Variants in NKAIN3 observed in about 807,000 individuals in gnomAD.
NKAIN3 encodes the protein sodium/potassium transporting ATPase interacting 3, also known as sodium/potassium-transporting ATPase subunit beta-1-interacting protein 3.
NKAIN3 carries 25 observed loss-of-function variants against 30.2 expected under a neutral mutation model. The ratio of observed to expected loss-of-function variants is 0.83; its 90% CI spans 0.60 to 1.16. The LOEUF (loss-of-function observed/expected upper bound fraction) is 1.16, where lower values mean the gene tolerates loss of function less well. Ranked by LOEUF, NKAIN3 falls within the 50% of genes most tolerant of loss-of-function variation. The probability of loss-of-function intolerance (pLI) is 0.00; values close to 1 mark genes in which losing one functional copy is unlikely to be tolerated. For missense variants in NKAIN3, 225 were observed against 254.1 expected (o/e 0.89, Z 0.78); for synonymous variants, 91 against 89.6 (o/e 1.02, Z -0.09).
chr8:62,744,805 CA>C (rs1441217260), intron 3 of NKAIN3, among the ~76,000 whole-genome samples: 2 of 151,924 alleles, frequency 1.3e-5, no homozygotes, highest in African/African-American at 2.4e-5. Flanking sequence ...AGTAGCAAAC[CA>C]ACAACCAAAA....
chr8:62,848,613 A>C (rs1361627906), intron 4 of NKAIN3, among the ~76,000 whole-genome samples: 1 of 152,166 alleles, frequency 6.6e-6, no homozygotes, highest in Non-Finnish European at 1.5e-5. Context: ...TGTCATCTGC[A>C]AACAGATAGT....
chr8:62,584,785 T>G (rs1331573642), intron 2 of NKAIN3, among the ~76,000 whole-genome samples: 2 of 152,302 alleles, frequency 1.3e-5, no homozygotes, highest in Admixed American at 1.3e-4. Context: ...AAGTATCTCT[T>G]CCCTTCTGCT....
intron 4 of NKAIN3, among the ~76,000 whole-genome samples, chr8:62,813,119 A>G (rs117024890): frequency 6.6e-6 from 1 of 152,038 alleles, no homozygotes; most frequent in East Asian, 1.9e-4. Flanking sequence ...TTCCCATTAA[A>G]TGTTCTTGGC....
At chr8:62,867,727 T>C (rs1820471863) in intron 4 of NKAIN3, among the ~76,000 whole-genome samples, 2 of 152,194 alleles carry the variant, frequency 1.3e-5, no homozygotes, top group South Asian at 4.1e-4. Flanking sequence ...TAATGATGAA[T>C]CCAATAGCCT....
At chr8:62,681,483 A>T (rs1450495791) in intron 3 of NKAIN3, among the ~76,000 whole-genome samples, 1 of 151,968 alleles carries the variant, frequency 6.6e-6, no homozygotes, top group African/African-American at 2.4e-5. Context: ...TAATTTCCTT[A>T]TTTTTTCAGA....
At chr8:62,758,397 A>G (rs1816529634) in intron 4 of NKAIN3, among the ~76,000 whole-genome samples, 4 of 152,208 alleles carry the variant, frequency 2.6e-5, no homozygotes, top group African/African-American at 9.6e-5. Context: ...GTGGCTGTAT[A>G]AGATGCTAAC....
Position 62,741,420 on chromosome 8 carries a change from A to AAGGAAGGC in NKAIN3, c.274-5509_274-5508insAAGGCAGG, listed in dbSNP as rs1189442434. ...GAAGGAAGGAAGGAAGGAAGGAAGGAAGGCAGGCAAGCAAGCAAGCACACT... is the reference window on the plus strand; with the variant it reads ...GAAGGAAGGAAGGAAGGAAGGAAGGAAGGAAGGCAGGCAGGCAAGCAAGCAAGCACACT... On this transcript the variant is annotated intron_variant, in intron 3 of 6. Transcript: ENST00000623646. Among the ~76,000 whole-genome samples the AAGGAAGGC allele has an allele frequency of 1.7e-3, 236 of 136,358 alleles. 1 individual carries two copies. Among genetic ancestry groups the AAGGAAGGC allele is most frequent in the African/African-American group, 4.2e-3 (140 of 32,954 alleles). The allele number at this position is 136,358 out of a possible 152,430, so 89.5% of individuals were successfully genotyped here.
intron 1 of NKAIN3, among the ~76,000 whole-genome samples, chr8:62,440,431 G>A (rs59643136): frequency 0.26 from 39,645 of 151,972 alleles, 5,284 homozygotes; most frequent in Middle Eastern, 0.39. Flanking sequence ...ATATTAGCAC[G>A]TATGTCACTT....
intron 5 of NKAIN3, among the ~76,000 whole-genome samples, chr8:62,923,977 T>C (rs990174615): frequency 4.6e-5 from 7 of 152,168 alleles, no homozygotes; most frequent in Non-Finnish European, 1.0e-4. Flanking sequence ...AGAAGCCCCT[T>C]TACCAGAACC....
Position 62,751,674 on chromosome 8 carries a change from A to G in NKAIN3, c.471+4545A>G, listed in dbSNP as rs550967478. Among the ~76,000 whole-genome samples, 4 of 152,326 alleles carry G rather than the reference A, an allele frequency of 2.6e-5. No individual in the cohort carries two copies. The South Asian group carries it at 6.2e-4, about 24-fold the overall frequency. ...ATGGACATTTGGACTCTATCCAAAT[A>G]TGAAAATAACTTCAGATGTATACAT... On this transcript the variant is annotated intron_variant, in intron 4 of 6. Transcript: ENST00000623646.
chr8:62,826,115 A>G (rs1446971729), intron 4 of NKAIN3, among the ~76,000 whole-genome samples: 7 of 152,136 alleles, frequency 4.6e-5, no homozygotes, highest in African/African-American at 1.4e-4. Context: ...ATCATGTTGG[A>G]AATTGCCTAA....
intron 3 of NKAIN3, among the ~76,000 whole-genome samples, chr8:62,734,689 A>AG (rs1815592225): frequency 1.3e-5 from 2 of 152,352 alleles, no homozygotes; most frequent in African/African-American, 4.8e-5. Flanking sequence ...GAATGTTTTG[A>AG]GAAAAAGTCA....
At chr8:62,408,342 A>G (rs749327888) in intron 1 of NKAIN3, among the ~76,000 whole-genome samples, 3 of 152,170 alleles carry the variant, frequency 2.0e-5, no homozygotes, top group Non-Finnish European at 4.4e-5. Flanking sequence ...TTCTGCTTAT[A>G]TGTGAATATA....
intron 1 of NKAIN3, among the ~76,000 whole-genome samples, chr8:62,479,799 A>T (rs1806654789): frequency 6.6e-6 from 1 of 151,814 alleles, no homozygotes; most frequent in Non-Finnish European, 1.5e-5. Context: ...AGAAGTAAAT[A>T]AACCTTAGAT....
At chr8:62,643,971 C>G (rs1289270567) in intron 3 of NKAIN3, among the ~76,000 whole-genome samples, 3 of 152,018 alleles carry the variant, frequency 2.0e-5, no homozygotes, top group Non-Finnish European at 4.4e-5. Flanking sequence ...TTCATGGATT[C>G]TATTAAAGGA....
intron 1 of NKAIN3, among the ~76,000 whole-genome samples, chr8:62,504,972 T>C (rs2129701708): frequency 6.6e-6 from 1 of 152,334 alleles, no homozygotes; most frequent in East Asian, 1.9e-4. Context: ...TTTGTTCCTA[T>C]AACACTTACT....
intron 3 of NKAIN3, among the ~76,000 whole-genome samples, chr8:62,633,849 G>T (rs1298842156): frequency 6.6e-6 from 1 of 152,116 alleles, no homozygotes; most frequent in Non-Finnish European, 1.5e-5. Context: ...CCTACAAGAG[G>T]TGCCTGTCAT....
chr8:62,641,829 G>A (rs575887601), intron 3 of NKAIN3, among the ~76,000 whole-genome samples: 1 of 152,184 alleles, frequency 6.6e-6, no homozygotes, highest in East Asian at 1.9e-4. Context: ...AATCTTATAT[G>A]TTTATTGAAA....
At chr8:62,558,684 A>G (rs1217918012) in intron 1 of NKAIN3, among the ~76,000 whole-genome samples, 1 of 151,966 alleles carries the variant, frequency 6.6e-6, no homozygotes, top group Non-Finnish European at 1.5e-5. Flanking sequence ...TTTCAAATTC[A>G]TTGATTTCTC....
Sources: gnomAD v4.1 joint callset for allele counts (sites outside exome capture counted in the v4.1 genomes callset) on GRCh38, gnomAD v4.1.1 for gene constraint, MANE v1.5 for transcripts, NCBI Gene and HGNC (gene_info 2026-07-23, HGNC 2026-07-21) for gene names.